Variants in TMEM132B observed in about 807,000 individuals in gnomAD.
TMEM132B encodes the protein transmembrane protein 132B.
Under a neutral mutation model 90.8 loss-of-function variants are expected in TMEM132B, and 18 were observed. The ratio of observed to expected loss-of-function variants is 0.20; its 90% CI spans 0.14 to 0.29. TMEM132B has a LOEUF of 0.29. Ranked by LOEUF, TMEM132B falls within the 10% of genes least tolerant of loss-of-function variation. TMEM132B has a pLI of 1.00. For missense variants in TMEM132B, 1,096 were observed against 1,326.8 expected (o/e 0.83, Z 2.70); for synonymous variants, 504 against 523.3 (o/e 0.96, Z 0.50).
chr12:125,561,243 A>G (rs1400812347), intron 4 of TMEM132B, among the ~76,000 whole-genome samples: 1 of 152,118 alleles, frequency 6.6e-6, no homozygotes, highest in East Asian at 1.9e-4. Context: ...GAAGCTAGAA[A>G]CCATCATTCT....
At chr12:125,316,334 G>A (rs571231872) in intron 1 of TMEM132B, among the ~76,000 whole-genome samples, 3 of 152,250 alleles carry the variant, frequency 2.0e-5, no homozygotes, top group East Asian at 1.9e-4. Context: ...GGTGGGGGGC[G>A]GGAGCAGTGG....
At position 125,379,242 on chromosome 12, in the gene TMEM132B, A is replaced by G. The variant is rs534772651; in HGVS notation, c.959+28899A>G. Among the ~76,000 whole-genome samples the G allele has an allele frequency of 5.9e-5, 9 of 152,308 alleles. No individual in the cohort carries two copies. In the South Asian group the frequency reaches 1.7e-3, roughly 28 times the overall value. The stretch of plus-strand genomic sequence containing the variant: ...AGGTTGAAGATGGAATTTAGGCTTG[A>G]TCAGCTGAGTTAAGGAGGGTATCCT... On this transcript the variant is annotated intron_variant, in intron 2 of 8. Transcript: ENST00000682704.
At chr12:125,194,054 C>T (rs1162679699) in intron 1 of TMEM132B, among the ~76,000 whole-genome samples, 1 of 152,230 alleles carries the variant, frequency 6.6e-6, no homozygotes, top group Admixed American at 6.5e-5. Flanking sequence ...AATTCCAGTG[C>T]CTTCCCTTGG....
intron 1 of TMEM132B, among the ~76,000 whole-genome samples, chr12:125,197,185 T>C (rs1872943981): frequency 6.6e-6 from 1 of 152,104 alleles, no homozygotes; most frequent in African/African-American, 2.4e-5. Context: ...CCCCAGTGTG[T>C]GTTGTTCCCC....
chr12:125,591,949 G>A (rs1885327734), intron 5 of TMEM132B, among the ~76,000 whole-genome samples: 1 of 152,102 alleles, frequency 6.6e-6, no homozygotes, highest in Admixed American at 6.5e-5. Flanking sequence ...GGTGCTGGGG[G>A]TTTCGACTTG....
intron 4 of TMEM132B, among the ~76,000 whole-genome samples, chr12:125,552,885 G>A (rs1884271097): frequency 6.6e-6 from 1 of 152,244 alleles, no homozygotes; most frequent in Non-Finnish European, 1.5e-5. Flanking sequence ...AGCGGCAGAG[G>A]GCCATCAGGC....
At chr12:125,271,004 G>T (rs889923813) in intron 1 of TMEM132B, among the ~76,000 whole-genome samples, 2 of 151,416 alleles carry the variant, frequency 1.3e-5, no homozygotes, top group Non-Finnish European at 1.5e-5. Flanking sequence ...AGGCTGGAGT[G>T]CAGGGGTGCA....
At chr12:125,318,340 CT>C (rs1876342204) in intron 1 of TMEM132B, among the ~76,000 whole-genome samples, 1 of 150,928 alleles carries the variant, frequency 6.6e-6, no homozygotes, top group Admixed American at 6.6e-5. Flanking sequence ...TCAAACAGAG[CT>C]TTTAATGAAT....
chr12:125,205,603 G>A (rs912600842), intron 1 of TMEM132B, among the ~76,000 whole-genome samples: 2 of 152,210 alleles, frequency 1.3e-5, no homozygotes, highest in Non-Finnish European at 2.9e-5. Flanking sequence ...GGTGTGACTT[G>A]ACCAGAGCAG....
chr12:125,437,503 C>G (rs1214877691), intron 3 of TMEM132B, among the ~76,000 whole-genome samples: 2 of 152,206 alleles, frequency 1.3e-5, no homozygotes, highest in African/African-American at 2.4e-5. Flanking sequence ...TATTGAGGAA[C>G]TGCCAAACTG....
chr12:125,617,444 C>T (rs949565890), intron 5 of TMEM132B, among the ~76,000 whole-genome samples: 1 of 150,960 alleles, frequency 6.6e-6, no homozygotes, highest in Non-Finnish European at 1.5e-5. Flanking sequence ...CTCCTGGGTT[C>T]GAGCAATTCT....
chr12:125,265,640 G>C (rs573790099), intron 1 of TMEM132B, among the ~76,000 whole-genome samples: 110 of 152,300 alleles, frequency 7.2e-4, no homozygotes, highest in African/African-American at 2.6e-3. Flanking sequence ...AGGGGCCTCT[G>C]CAATCTGCAC....
intron 3 of TMEM132B, among the ~76,000 whole-genome samples, chr12:125,455,807 G>C (rs1441591567): frequency 6.6e-6 from 1 of 152,138 alleles, no homozygotes; most frequent in Non-Finnish European, 1.5e-5. Context: ...GTAAGTGGAA[G>C]TTGTTGCATT....
intron 3 of TMEM132B, among the ~76,000 whole-genome samples, chr12:125,513,003 GA>G (rs1310233604): frequency 1.3e-5 from 2 of 152,218 alleles, no homozygotes. Flanking sequence ...AAACGGGGGT[GA>G]TGAGGGGACC....
chr12:125,297,259 G>A (rs1875695579), intron 1 of TMEM132B, among the ~76,000 whole-genome samples: 2 of 152,214 alleles, frequency 1.3e-5, no homozygotes, highest in African/African-American at 4.8e-5. Flanking sequence ...CATGTCCCGA[G>A]GCAGGCACAC....
chr12:125,187,944 T>C lies in TMEM132B; in HGVS notation c.67+1078T>C, dbSNP rs146549691. Among the ~76,000 whole-genome samples, 961 of 152,212 alleles carry C rather than the reference T, an allele frequency of 6.3e-3. 5 individuals are homozygous for C. Among genetic ancestry groups the C allele is most frequent in the Non-Finnish European group, 0.01 (707 of 68,000 alleles). On this transcript the variant is annotated intron_variant, in intron 1 of 8. Transcript: ENST00000682704. ...TTTGCTTTAGAAAATCTCTCCCCAT[T>C]TCCTTAACAAACAAATCGCACAGAC...
At position 125,372,346 on chromosome 12, in the gene TMEM132B, A is replaced by G. The variant is rs539877528; in HGVS notation, c.959+22003A>G. Among the ~76,000 whole-genome samples the G allele has an allele frequency of 5.9e-5, 9 of 152,340 alleles. No individual in the cohort carries two copies. In the East Asian group the frequency reaches 1.7e-3, roughly 29 times the overall value. ...ATTAAAGTTGAAATCCAGAATTAGC[A>G]AACTTGCCACTTACCTCCAGGATCC... On this transcript the variant is annotated intron_variant, in intron 2 of 8. Coordinates refer to ENST00000682704, the MANE Select transcript of TMEM132B (RefSeq NM_001366854.1).
chr12:125,651,869 C>T (rs1422838494), intron 7 of TMEM132B, among the ~76,000 whole-genome samples: 1 of 151,020 alleles, frequency 6.6e-6, no homozygotes, highest in African/African-American at 2.5e-5. Context: ...ACTCTGTCAG[C>T]CAGGGGTCAC....
intron 5 of TMEM132B, among the ~76,000 whole-genome samples, chr12:125,633,128 C>T (rs972557525): frequency 2.0e-5 from 3 of 151,952 alleles, no homozygotes; most frequent in African/African-American, 4.8e-5. Flanking sequence ...ATTTTGTCTC[C>T]TCTGGAGATA....
Sources: allele counts gnomAD v4.1 joint callset (sites outside exome capture counted in the v4.1 genomes callset), GRCh38; gene constraint gnomAD v4.1.1; transcripts MANE v1.5; gene names NCBI Gene and HGNC (gene_info 2026-07-23, HGNC 2026-07-21).